The following ADAMTS17 variants were observed in gnomAD, a reference collection of about 807,000 sequenced individuals.
ADAMTS17 encodes ADAM metallopeptidase with thrombospondin type 1 motif 17, also known as A disintegrin and metalloproteinase with thrombospondin motifs 17.
A neutral mutation model predicts 141.5 loss-of-function variants in ADAMTS17; 113 were observed. The ratio of observed to expected loss-of-function variants is 0.80; its 90% confidence interval spans 0.69 to 0.93. ADAMTS17 has a LOEUF of 0.93. ADAMTS17 is among the 40% of genes least tolerant of loss of function. The pLI, the probability that ADAMTS17 is intolerant of heterozygous loss-of-function variation, is 0.00. For missense variants in ADAMTS17, 1,659 were observed against 1,517.9 expected (o/e 1.09, Z -1.54); for synonymous variants, 768 against 630.6 (o/e 1.22, Z -3.27).
intron 3 of ADAMTS17, among the ~76,000 whole-genome samples, chr15:100,311,432 G>A (rs1292926040): frequency 6.6e-6 from 1 of 152,190 alleles, no homozygotes; most frequent in Non-Finnish European, 1.5e-5. Context: ...TGAGCCACCT[G>A]GACAGCCCCA....
chr15:99,981,668 G>T (rs1567638703), intron 20 of ADAMTS17, among the ~76,000 whole-genome samples: 2 of 152,198 alleles, frequency 1.3e-5, no homozygotes, highest in Non-Finnish European at 2.9e-5. Flanking sequence ...ATATAGATGT[G>T]TGTATACCTA....
At chr15:100,203,694 G>T (rs2041426387) in intron 7 of ADAMTS17, among the ~76,000 whole-genome samples, 1 of 152,094 alleles carries the variant, frequency 6.6e-6, no homozygotes, top group Non-Finnish European at 1.5e-5. Flanking sequence ...GACAGAGCAA[G>T]ACTCTTTCTC....
chr15:100,233,906 G>A (rs1278455060), intron 7 of ADAMTS17, among the ~76,000 whole-genome samples: 2 of 152,094 alleles, frequency 1.3e-5, no homozygotes, highest in Non-Finnish European at 2.9e-5. Flanking sequence ...GGAGAACCCT[G>A]GGCCACATGT....
intron 3 of ADAMTS17, among the ~76,000 whole-genome samples, chr15:100,327,340 CAAT>C (rs1405730711): frequency 1.3e-5 from 2 of 152,206 alleles, no homozygotes; most frequent in Admixed American, 1.3e-4. Context: ...AAAATAACCA[CAAT>C]GATTTTTTGA....
In ADAMTS17 at chr15:100,289,531, T is replaced by C. The variant is rs150884112; in HGVS notation, c.617-8130A>G. On this transcript the variant is annotated intron_variant, in intron 3 of 21. Transcript: ENST00000268070. ...TGCCAAAACCTTGCAGACACACACATACACACATACACACACTCACACACA... is the reference window on the plus strand; with the variant it reads ...TGCCAAAACCTTGCAGACACACACACACACACATACACACACTCACACACA... 4.1e-3 allele frequency among the ~76,000 whole-genome samples: 555 copies of C among 134,380 alleles called. 4 individuals are homozygous for C. In the East Asian group the frequency reaches 0.06, roughly 14 times the overall value. 88.2% of individuals were successfully genotyped at this position (134,380 alleles called of 152,430 possible). A position where few individuals can be genotyped will look rare whatever the true frequency, so the allele number is the denominator to read the frequency against.
At chr15:100,340,889 G>A (rs1260514210) in intron 2 of ADAMTS17, 150 bp downstream of exon 2, 13 of 1,225,846 alleles carry the variant, frequency 1.1e-5, no homozygotes, top group African/African-American at 1.6e-5. Flanking sequence ...CCGGGGTGGG[G>A]GATGGGGAGA....
At chr15:100,314,833 T>C (rs2045511555) in intron 3 of ADAMTS17, among the ~76,000 whole-genome samples, 1 of 152,134 alleles carries the variant, frequency 6.6e-6, no homozygotes, top group Non-Finnish European at 1.5e-5. Context: ...CGAGTGGGAC[T>C]GCTCCCAGCT....
At chr15:100,047,160 T>C (rs1478280892) in intron 18 of ADAMTS17, among the ~76,000 whole-genome samples, 2 of 151,488 alleles carry the variant, frequency 1.3e-5, no homozygotes, top group Non-Finnish European at 2.9e-5. Context: ...CCCAGGCTTA[T>C]TAGGATGAGG....
chr15:100,199,053 T>C (rs1397767871), intron 8 of ADAMTS17, among the ~76,000 whole-genome samples: 1 of 152,244 alleles, frequency 6.6e-6, no homozygotes, highest in Non-Finnish European at 1.5e-5. Context: ...AAGGACATCC[T>C]GAGAGGAACC....
chr15:99,994,452 TA>T (rs113195908), intron 19 of ADAMTS17, among the ~76,000 whole-genome samples: 593 of 141,246 alleles, frequency 4.2e-3, no homozygotes, highest in Middle Eastern at 0.011. Context: ...CCCAATCTCT[TA>T]AAAAAAAAAA....
chr15:100,210,743 A>C (rs1036691608), intron 7 of ADAMTS17, among the ~76,000 whole-genome samples: 1 of 152,166 alleles, frequency 6.6e-6, no homozygotes, highest in African/African-American at 2.4e-5. Flanking sequence ...AGGTGGGTGG[A>C]TCACTTGAGG....
intron 19 of ADAMTS17, among the ~76,000 whole-genome samples, chr15:99,996,510 G>C (rs2060805225): frequency 6.6e-6 from 1 of 152,116 alleles, no homozygotes. Flanking sequence ...ATAAAATGTA[G>C]GACTAAAAAT....
intron 7 of ADAMTS17, among the ~76,000 whole-genome samples, chr15:100,231,711 G>A (rs1335613390): frequency 2.0e-5 from 3 of 152,170 alleles, no homozygotes; most frequent in African/African-American, 7.2e-5. Context: ...TGGCTGGTCA[G>A]GTGCCGGTTT....
chr15:100,053,888 G>T lies in ADAMTS17; in HGVS notation c.2295+9C>A, dbSNP rs893200497. On this transcript the variant is annotated intron_variant, in intron 16 of 21. Transcript: ENST00000268070. The stretch of plus-strand genomic sequence containing the variant: ...CCCCTAAGACAAGTGTGGAAGCCCA[G>T]CAAGTTACCATCAAGTGCAGCGGTA... 1.9e-6 allele frequency: 3 copies of T among 1,614,176 alleles called. No homozygotes were observed. Among genetic ancestry groups the T allele is most frequent in the Non-Finnish European group, 2.5e-6 (3 of 1,180,024 alleles).
intron 8 of ADAMTS17, among the ~76,000 whole-genome samples, chr15:100,197,480 G>A (rs1359482851): frequency 6.6e-6 from 1 of 152,076 alleles, no homozygotes; most frequent in Non-Finnish European, 1.5e-5. Context: ...TTTTTCCCCA[G>A]CAAATCACTC....
intron 3 of ADAMTS17, among the ~76,000 whole-genome samples, chr15:100,326,238 A>T (rs1289224131): frequency 6.6e-6 from 1 of 152,220 alleles, no homozygotes; most frequent in Non-Finnish European, 1.5e-5. Context: ...AAAGAAACTC[A>T]AAGTAGCAAT....
chr15:100,193,801 A>T (rs1414854659), intron 8 of ADAMTS17, among the ~76,000 whole-genome samples: 1 of 152,182 alleles, frequency 6.6e-6, no homozygotes, highest in Non-Finnish European at 1.5e-5. Context: ...CAGAATGGAA[A>T]GAGAATGGTT....
At chr15:100,136,618 A>G (rs971534076) in intron 10 of ADAMTS17, among the ~76,000 whole-genome samples, 1 of 152,104 alleles carries the variant, frequency 6.6e-6, no homozygotes, top group Non-Finnish European at 1.5e-5. Flanking sequence ...TATTTTTTCC[A>G]CTTTTCCAAA....
intron 7 of ADAMTS17, among the ~76,000 whole-genome samples, chr15:100,252,721 C>A (rs1354547949): frequency 6.6e-6 from 1 of 152,220 alleles, no homozygotes; most frequent in East Asian, 1.9e-4. Flanking sequence ...GCAATTCCCT[C>A]ATGGAGACAG....
Sources: allele counts gnomAD v4.1 joint callset (sites outside exome capture counted in the v4.1 genomes callset), GRCh38; gene constraint gnomAD v4.1.1; transcripts MANE v1.5; gene names NCBI Gene and HGNC (gene_info 2026-07-23, HGNC 2026-07-21).